BRINP3: variants seen among roughly 807,000 people sequenced by gnomAD.
BRINP3 encodes BMP/retinoic acid-inducible neural-specific protein 3.
In BRINP3, 19 loss-of-function variants were observed where a neutral mutation model predicts 71.0. The ratio of observed to expected loss-of-function variants is 0.27; its 90% confidence interval spans 0.19 to 0.39. The LOEUF is 0.39. Ranked by LOEUF, BRINP3 falls within the 10% of genes least tolerant of loss-of-function variation. BRINP3 has a pLI of 1.00. For synonymous variants in BRINP3, 380 were observed against 337.7 expected, an observed-to-expected ratio of 1.13 and a Z score of -1.37; for missense variants, 959 against 940.8, an observed-to-expected ratio of 1.02 and a Z score of -0.25.
At chr1:190,395,978 GAAGGAAGGAAGGAAGC>G (rs1448452483) in intron 2 of BRINP3, among the ~76,000 whole-genome samples, 2 of 146,828 alleles carry the variant, frequency 1.4e-5, no homozygotes, top group East Asian at 2.0e-4. Context: ...AGGAAAGAAG[GAAGGAAGGAAGGAAGC>G]AAGGAAGGAA....
chr1:190,170,090 T>C (rs2102492952), intron 6 of BRINP3, among the ~76,000 whole-genome samples: 1 of 152,068 alleles, frequency 6.6e-6, no homozygotes, highest in Non-Finnish European at 1.5e-5. Flanking sequence ...ATAAAATTAT[T>C]ATTCCCTACA....
intron 4 of BRINP3, among the ~76,000 whole-genome samples, chr1:190,249,619 A>G (rs1421118150): frequency 6.6e-6 from 1 of 151,882 alleles, no homozygotes; most frequent in Non-Finnish European, 1.5e-5. Context: ...CCAGGTTTAC[A>G]TCATCATTTT....
At chr1:190,211,116 T>G (rs561850883) in intron 6 of BRINP3, among the ~76,000 whole-genome samples, 33 of 152,028 alleles carry the variant, frequency 2.2e-4, no homozygotes, top group Non-Finnish European at 3.8e-4. Context: ...TTCTAGCTCC[T>G]CGACTTGCAG....
At chr1:190,324,177 C>A (rs898710241) in intron 2 of BRINP3, among the ~76,000 whole-genome samples, 1 of 151,716 alleles carries the variant, frequency 6.6e-6, no homozygotes, top group Admixed American at 6.6e-5. Context: ...TGGTAAGTAG[C>A]AAAAAAGAAA....
At chr1:190,222,593 C>T (rs1473201852) in intron 6 of BRINP3, among the ~76,000 whole-genome samples, 2 of 151,094 alleles carry the variant, frequency 1.3e-5, no homozygotes, top group African/African-American at 4.9e-5. Context: ...ATAAGATCAA[C>T]AAAAGGAAAA....
intron 6 of BRINP3, among the ~76,000 whole-genome samples, chr1:190,200,967 A>T (rs182177574): frequency 6.6e-6 from 1 of 152,272 alleles, no homozygotes; most frequent in African/African-American, 2.4e-5. Context: ...GGAGTAAAAC[A>T]GTAAATTGGT....
intron 2 of BRINP3, among the ~76,000 whole-genome samples, chr1:190,361,341 A>G (rs1297596457): frequency 7.3e-6 from 1 of 136,762 alleles, no homozygotes; most frequent in Non-Finnish European, 1.6e-5. Context: ...TAGATCATAT[A>G]AGAAATAGAG....
intron 6 of BRINP3, among the ~76,000 whole-genome samples, chr1:190,209,217 G>A (rs187785933): frequency 4.6e-5 from 7 of 152,076 alleles, no homozygotes; most frequent in Admixed American, 4.6e-4. Flanking sequence ...TTTTGCCAAA[G>A]TAACAAACAC....
intron 6 of BRINP3, among the ~76,000 whole-genome samples, chr1:190,207,251 C>A (rs1027335471): frequency 6.6e-6 from 1 of 152,034 alleles, no homozygotes; most frequent in Admixed American, 6.6e-5. Context: ...CTTCATGCTT[C>A]AATAGTGTTT....
chr1:190,308,212 C>G (rs1274378540), intron 2 of BRINP3, among the ~76,000 whole-genome samples: 2 of 149,878 alleles, frequency 1.3e-5, no homozygotes, highest in African/African-American at 5.0e-5. Context: ...ATATAGTTTT[C>G]AATTATATTT....
intron 4 of BRINP3, among the ~76,000 whole-genome samples, chr1:190,243,055 T>C (rs949135494): frequency 3.3e-5 from 5 of 152,130 alleles, no homozygotes; most frequent in African/African-American, 1.2e-4. Flanking sequence ...ACTATCCCCA[T>C]GTAAACCTAG....
At chr1:190,141,315 A>G (rs528355937) in intron 7 of BRINP3, among the ~76,000 whole-genome samples, 7 of 152,066 alleles carry the variant, frequency 4.6e-5, no homozygotes, top group African/African-American at 9.6e-5. Flanking sequence ...CTAAATTGCT[A>G]TAACTCTTCG....
At chr1:190,296,210 A>G (rs1217690396) in intron 2 of BRINP3, among the ~76,000 whole-genome samples, 2 of 146,648 alleles carry the variant, frequency 1.4e-5, no homozygotes, top group Non-Finnish European at 1.5e-5. Flanking sequence ...TATTCCTAGG[A>G]TGTACCCACA....
At chr1:190,262,180 C>G (rs541024409) in intron 4 of BRINP3, among the ~76,000 whole-genome samples, 1 of 152,290 alleles carries the variant, frequency 6.6e-6, no homozygotes, top group South Asian at 2.1e-4. Context: ...TGGCTCCACT[C>G]TTGCTTGAAC....
At chr1:190,334,828 C>T (rs1374890775) in intron 2 of BRINP3, among the ~76,000 whole-genome samples, 2 of 151,466 alleles carry the variant, frequency 1.3e-5, no homozygotes, top group African/African-American at 4.8e-5. Flanking sequence ...ATTTGATTTC[C>T]TGTGGGCAGG....
chr1:190,097,951 A>G lies in BRINP3; in HGVS notation c.*67T>C, dbSNP rs1651344999. The G allele has an allele frequency of 2.0e-6, 3 of 1,473,022 alleles. No homozygotes were observed. Among genetic ancestry groups the G allele is most frequent in the Admixed American group, 2.2e-5 (1 of 45,280 alleles). The allele number at this position is 1,473,022 out of a possible 1,614,324, so 91.2% of individuals were successfully genotyped here. ...ACAATTTAAATTTACTCTTCCAAAC[A>G]TAAACTGTTCCACAAAAGCACTGTA... On this transcript the variant is annotated 3_prime_UTR_variant, in exon 8 of 8. Coordinates refer to ENST00000367462, the MANE Select transcript of BRINP3 (RefSeq NM_199051.3).
intron 7 of BRINP3, among the ~76,000 whole-genome samples, chr1:190,144,053 T>C (rs766673014): frequency 2.0e-5 from 3 of 152,182 alleles, no homozygotes; most frequent in Admixed American, 6.5e-5. Context: ...AAATCCTCCC[T>C]ATTTGTTGTA....
rs36099005 is a variant in BRINP3, at chr1:190,265,539, A to AATATATAT, written c.428-492_428-485dup. Among the ~76,000 whole-genome samples the AATATATAT allele has an allele frequency of 3.1e-3, 427 of 139,246 alleles. 5 individuals are homozygous for AATATATAT. Among genetic ancestry groups the AATATATAT allele is most frequent in the African/African-American group, 3.5e-3 (131 of 37,962 alleles). The allele number at this position is 139,246 out of a possible 152,430, so 91.4% of individuals were successfully genotyped here. ...ACACGGTGAAACCCCGTCTCTACTA[A>AATATATAT]ATATATATATATATATATATATAAA... On this transcript the variant is annotated intron_variant, in intron 3 of 7. Coordinates refer to ENST00000367462, the MANE Select transcript of BRINP3 (RefSeq NM_199051.3).
intron 4 of BRINP3, among the ~76,000 whole-genome samples, chr1:190,240,357 T>C (rs142544078): frequency 0.015 from 2,334 of 152,098 alleles, 76 homozygotes; most frequent in African/African-American, 0.052. Context: ...TAAAAGTTTG[T>C]TAAATTTATA....
Sources: gnomAD v4.1 joint callset for allele counts (sites outside exome capture counted in the v4.1 genomes callset) on GRCh38, gnomAD v4.1.1 for gene constraint, MANE v1.5 for transcripts, NCBI Gene and HGNC (gene_info 2026-07-23, HGNC 2026-07-21) for gene names.